The following TLE6 variants were observed in gnomAD, a reference collection of about 807,000 sequenced individuals.
The protein encoded by TLE6 is transducin-like enhancer protein 6.
TLE6 carries 72 observed loss-of-function variants against 77.1 expected under a neutral mutation model. The ratio of observed to expected loss-of-function variants is 0.93; its 90% CI spans 0.77 to 1.14. The LOEUF (loss-of-function observed/expected upper bound fraction) is 1.14. TLE6 is among the 50% of genes most tolerant of loss of function. The pLI is 0.00. For synonymous variants in TLE6, 366 were observed against 287.3 expected, an observed-to-expected ratio of 1.27 and a Z score of -2.77; for missense variants, 843 against 747.6, an observed-to-expected ratio of 1.13 and a Z score of -1.49.
intron 2 of TLE6, 110 bp downstream of exon 2, chr19:2,978,394 G>A (rs2088723255): frequency 2.7e-6 from 3 of 1,095,050 alleles, no homozygotes; most frequent in Non-Finnish European, 4.1e-6. Context: ...CCTCGCAGCT[G>A]AAGACAATAC....
At chr19:2,992,646 G>A (rs1239261421) in intron 14 of TLE6, among the ~76,000 whole-genome samples, 3 of 151,222 alleles carry the variant, frequency 2.0e-5, no homozygotes, top group Non-Finnish European at 4.4e-5. Flanking sequence ...ATGGTGGCAC[G>A]TACCTGGGGT....
At chr19:2,990,451 A>C (rs912351268) in intron 13 of TLE6, among the ~76,000 whole-genome samples, 1 of 150,674 alleles carries the variant, frequency 6.6e-6, no homozygotes, top group African/African-American at 2.4e-5. Flanking sequence ...AAACTACAAA[A>C]AAATTAGCCA....
At chr19:2,992,216 T>C (rs1345742996) in intron 14 of TLE6, among the ~76,000 whole-genome samples, 1 of 152,094 alleles carries the variant, frequency 6.6e-6, no homozygotes, top group African/African-American at 2.4e-5. Context: ...CTCACACCTG[T>C]AATCCCAGCA....
chr19:2,991,393 T>C (rs539206608), intron 13 of TLE6, among the ~76,000 whole-genome samples: 17,962 of 109,254 alleles, frequency 0.16, 3,448 homozygotes, highest in African/African-American at 0.52. Context: ...TATATATATA[T>C]ATACACACAC....
intron 2 of TLE6, 119 bp downstream of exon 2, chr19:2,978,403 A>G: frequency 1.0e-6 from 1 of 971,878 alleles, no homozygotes; most frequent in East Asian, 2.6e-5. Context: ...TGAAGACAAT[A>G]CTGGTCGCTG....
intron 13 of TLE6, 83 bp from the exon 14 acceptor site, chr19:2,991,760 G>A (rs1452796763): frequency 1.4e-6 from 2 of 1,411,260 alleles, no homozygotes; most frequent in Non-Finnish European, 2.0e-6. Flanking sequence ...TCCCTTTCAT[G>A]CCCAAATGTA....
chr19:2,989,794 G>A lies in TLE6; in HGVS notation c.1244+9G>A, dbSNP rs186762643. Reference sequence around the variant, plus strand: ...GATCAGAGTGTGGTCAGGTGCGTTTGGGGGGTGGGAAGGGGAAGCATCCTG... The same window carrying A: ...GATCAGAGTGTGGTCAGGTGCGTTTAGGGGGTGGGAAGGGGAAGCATCCTG... On this transcript the variant is annotated intron_variant, in intron 13 of 16. Transcript: ENST00000246112. 5.7e-5 allele frequency: 92 copies of A among 1,608,396 alleles called. 1 individual carries two copies. In the African/African-American group the frequency reaches 8.3e-4, roughly 14 times the overall value.
intron 3 of TLE6, among the ~76,000 whole-genome samples, chr19:2,981,148 CAG>C (rs2088789934): frequency 6.6e-6 from 1 of 151,948 alleles, no homozygotes; most frequent in Admixed American, 6.6e-5. Context: ...CACCTGGAGT[CAG>C]GGGTTTGACA....
intron 13 of TLE6, among the ~76,000 whole-genome samples, chr19:2,990,382 C>A (rs577669482): frequency 6.6e-6 from 1 of 151,364 alleles, no homozygotes; most frequent in Non-Finnish European, 1.5e-5. Flanking sequence ...GCAGGCAGAT[C>A]CACGAGGTCA....
chr19:2,985,575 ATTT>A (rs1233284629), intron 5 of TLE6, among the ~76,000 whole-genome samples: 1 of 125,344 alleles, frequency 8.0e-6, no homozygotes, highest in Non-Finnish European at 1.7e-5. Flanking sequence ...TGCCTGGCTA[ATTT>A]TTTTTTTTTT....
Position 2,980,145 on chromosome 19 carries a change from T to C in TLE6, c.97T>C (p.Tyr33His). 1 of 1,549,830 alleles carries C rather than the reference T, an allele frequency of 6.5e-7. No homozygotes were observed. The highest frequency in any genetic ancestry group is 8.7e-7 in the Non-Finnish European group (1 of 1,145,824). Residue 33 changes from tyrosine (Y) to histidine (H), a missense_variant, in exon 3 of 17, where the codon TAT (tyrosine) becomes CAT (histidine). By Grantham distance (83) the Tyr-to-His change is moderately conservative (BLOSUM62 2). Transcript: ENST00000246112. ...SNSESSPTLN[Y>H]QGILNRLKQF... ...CTCTGAGAGCTCTCCGACGCTGAAT[T>C]ATCAGGGCATTCTAAATCGGCTCAA...
intron 13 of TLE6, among the ~76,000 whole-genome samples, chr19:2,991,230 A>AGG (rs1568217853): frequency 8.6e-5 from 13 of 150,858 alleles, no homozygotes; most frequent in African/African-American, 3.2e-4. Context: ...GTGGTGGCCC[A>AGG]TGCCTGTAAT....
Position 2,982,146 on chromosome 19 carries a change from A to T in TLE6, c.181-2A>T. On this transcript the variant is annotated splice_acceptor_variant, in intron 4 of 16. Transcript: ENST00000246112. LOFTEE classifies it high-confidence loss of function. Reference sequence around the variant, plus strand: ...GATGGGATCTCTGTTTTCCCTTTGCAGCTGCACAAGATCCAGCAGGATGTG... The same window carrying T: ...GATGGGATCTCTGTTTTCCCTTTGCTGCTGCACAAGATCCAGCAGGATGTG... The T allele has an allele frequency of 6.4e-7, 1 of 1,551,554 alleles. No homozygotes were observed. The highest frequency in any genetic ancestry group is 2.4e-5 in the East Asian group (1 of 40,896).
intron 5 of TLE6, among the ~76,000 whole-genome samples, chr19:2,983,280 G>A (rs909204979): frequency 1.3e-5 from 2 of 152,184 alleles, no homozygotes; most frequent in Non-Finnish European, 2.9e-5. Context: ...AAAGAACGAC[G>A]CAGAGCTTCC....
chr19:2,994,668 G>C (rs775018834), intron 16 of TLE6, among the ~76,000 whole-genome samples: 1 of 152,130 alleles, frequency 6.6e-6, no homozygotes, highest in Non-Finnish European at 1.5e-5. Context: ...GCTGAGTGTG[G>C]TGGTGCACAC....
chr19:2,978,362 A>C (rs2088722382), intron 2 of TLE6, 78 bp downstream of exon 2: 1 of 1,466,210 alleles, frequency 6.8e-7, no homozygotes, highest in Non-Finnish European at 9.3e-7. Context: ...TCCACCTGTG[A>C]CCTGGGCTGG....
intron 7 of TLE6, 25 bp from the exon 8 acceptor site, chr19:2,987,331 C>G (rs749183098): frequency 1.2e-6 from 2 of 1,614,182 alleles, no homozygotes; most frequent in Non-Finnish European, 1.7e-6. Context: ...TGTCCCCCTC[C>G]TCCTCTCCGT....
chr19:2,988,694 CTG>C (rs2088972614), intron 11 of TLE6, among the ~76,000 whole-genome samples: 1 of 152,232 alleles, frequency 6.6e-6, no homozygotes, highest in African/African-American at 2.4e-5. Flanking sequence ...TGGGGTGTAG[CTG>C]TGTTAGAACT....
intron 13 of TLE6, 34 bp downstream of exon 13, chr19:2,989,819 G>T (rs750563907): frequency 6.2e-7 from 1 of 1,607,656 alleles, no homozygotes; most frequent in South Asian, 1.1e-5. Flanking sequence ...GAAGCATCCT[G>T]TGCCAGCCTC....
Sources: allele counts gnomAD v4.1 joint callset (sites outside exome capture counted in the v4.1 genomes callset), GRCh38; gene constraint gnomAD v4.1.1; transcripts MANE v1.5; gene names NCBI Gene and HGNC (gene_info 2026-07-23, HGNC 2026-07-21).